CHCHD6: variants seen among roughly 807,000 people sequenced by gnomAD.
The protein encoded by CHCHD6 is coiled-coil-helix-coiled-coil-helix domain containing 6.
CHCHD6 carries 28 observed loss-of-function variants against 32.3 expected under a neutral mutation model. The ratio of observed to expected loss-of-function variants is 0.87; its 90% CI spans 0.64 to 1.19. The LOEUF is 1.19. Ranked by LOEUF, CHCHD6 falls within the 50% of genes most tolerant of loss-of-function variation. CHCHD6 has a pLI of 0.00. For missense variants in CHCHD6, 333 were observed against 307.0 expected, an observed-to-expected ratio of 1.08 and a Z score of -0.63; for synonymous variants, 122 against 117.5, an observed-to-expected ratio of 1.04 and a Z score of -0.25.
intron 1 of CHCHD6, among the ~76,000 whole-genome samples, chr3:126,708,650 GAAA>G (rs552128932): frequency 3.3e-5 from 3 of 90,970 alleles, no homozygotes; most frequent in African/African-American, 3.7e-5. Context: ...CCCATCTCTT[GAAA>G]AAAAAAAAAA....
At chr3:126,797,224 T>C (rs1184897299) in intron 4 of CHCHD6, among the ~76,000 whole-genome samples, 2 of 152,204 alleles carry the variant, frequency 1.3e-5, no homozygotes, top group Non-Finnish European at 2.9e-5. Flanking sequence ...GCATTCTGTG[T>C]GTTGCTTTGC....
At chr3:126,939,797 CATTT>C (rs1349985402) in intron 6 of CHCHD6, among the ~76,000 whole-genome samples, 1 of 152,208 alleles carries the variant, frequency 6.6e-6, no homozygotes, top group Non-Finnish European at 1.5e-5. Context: ...ATAAGGGCAT[CATTT>C]ATTCTCCCCT....
chr3:126,796,610 C>T (rs1000370889), intron 4 of CHCHD6, among the ~76,000 whole-genome samples: 1 of 152,178 alleles, frequency 6.6e-6, no homozygotes, highest in African/African-American at 2.4e-5. Flanking sequence ...CAAGGCTGTA[C>T]ACCTGGCCCA....
chr3:126,892,781 C>T (rs371433480), intron 5 of CHCHD6, among the ~76,000 whole-genome samples: 1 of 152,166 alleles, frequency 6.6e-6, no homozygotes, highest in South Asian at 2.1e-4. Flanking sequence ...GCAGCTCCTC[C>T]GCTGTAACAC....
At chr3:126,887,034 G>A (rs1485395239) in intron 5 of CHCHD6, among the ~76,000 whole-genome samples, 1 of 152,190 alleles carries the variant, frequency 6.6e-6, no homozygotes, top group Non-Finnish European at 1.5e-5. Flanking sequence ...GCTTCTGATA[G>A]CAAAGTTTGA....
At chr3:126,713,757 TA>T (rs1308491602) in intron 1 of CHCHD6, among the ~76,000 whole-genome samples, 2 of 152,274 alleles carry the variant, frequency 1.3e-5, no homozygotes, top group East Asian at 3.9e-4. Context: ...ACTTGTTGGA[TA>T]AAAGTTTAAG....
chr3:126,957,055 C>T (rs953849488), intron 6 of CHCHD6: 4 of 312,442 alleles, frequency 1.3e-5, no homozygotes, highest in South Asian at 4.3e-5. Context: ...CACAGCGGGG[C>T]GGGTTGTCCT....
intron 5 of CHCHD6, among the ~76,000 whole-genome samples, chr3:126,859,631 G>A (rs917106827): frequency 2.0e-5 from 3 of 152,244 alleles, no homozygotes; most frequent in East Asian, 1.9e-4. Flanking sequence ...ACCCTGTAAG[G>A]TAGATTATAT....
At chr3:126,864,794 C>T (rs1453417398) in intron 5 of CHCHD6, among the ~76,000 whole-genome samples, 17 of 148,728 alleles carry the variant, frequency 1.1e-4, no homozygotes, top group African/African-American at 3.5e-4. Context: ...ATCACCTCCT[C>T]CTCCACCGTC....
chr3:126,865,671 A>G (rs1942266705), intron 5 of CHCHD6: 1 of 984,628 alleles, frequency 1.0e-6, no homozygotes, highest in Non-Finnish European at 1.2e-6. Context: ...CACCTCCCTC[A>G]CTGCCCCCAC....
At chr3:126,849,285 C>A (rs976207833) in intron 4 of CHCHD6, among the ~76,000 whole-genome samples, 2 of 152,256 alleles carry the variant, frequency 1.3e-5, no homozygotes, top group Admixed American at 6.5e-5. Context: ...ACTGCCTCTG[C>A]CTGCTCCAGA....
intron 1 of CHCHD6, among the ~76,000 whole-genome samples, chr3:126,715,793 A>G (rs1166446237): frequency 1.3e-5 from 2 of 152,180 alleles, no homozygotes; most frequent in Admixed American, 1.3e-4. Flanking sequence ...TTTAAATGCC[A>G]GCTGGTCACA....
chr3:126,735,837 C>T (rs915954802), intron 4 of CHCHD6, among the ~76,000 whole-genome samples: 17 of 152,176 alleles, frequency 1.1e-4, no homozygotes, highest in African/African-American at 4.1e-4. Flanking sequence ...CTTTCCTTTG[C>T]TTAAGTAAGC....
chr3:126,793,408 C>G (rs1234429159), intron 4 of CHCHD6, among the ~76,000 whole-genome samples: 1 of 152,046 alleles, frequency 6.6e-6, no homozygotes, highest in Non-Finnish European at 1.5e-5. Context: ...AGTGGTTACT[C>G]TATGGATCAT....
intron 4 of CHCHD6, among the ~76,000 whole-genome samples, chr3:126,837,443 A>G (rs1007132259): frequency 3.9e-5 from 6 of 152,160 alleles, no homozygotes; most frequent in African/African-American, 1.4e-4. Flanking sequence ...TTGTAGTCCA[A>G]GCTACTCGGG....
rs140136835 is a variant in CHCHD6, at chr3:126,807,412, T to G, written c.412-45235T>G. Among the ~76,000 whole-genome samples, 916 of 151,894 alleles carry G rather than the reference T, an allele frequency of 6.0e-3. 8 individuals carry two copies. Among genetic ancestry groups the G allele is most frequent in the African/African-American group, 0.021 (876 of 41,452 alleles). ...CACTTAGAAAAAACCCATTAGAAAT[T>G]AAAAATATGGTATCAGAAATGGATA... On this transcript the variant is annotated intron_variant, in intron 4 of 7. Transcript: ENST00000290913.
rs576112300 is a variant in CHCHD6, at chr3:126,960,334, C to T, written c.*133C>T. ...TATGCCCCTGAGCCTGGGGCTGCCA[C>T]GTGTTTAGGAAACAAAGTATGCGCT... is the stretch of plus-strand genomic sequence containing the variant. On this transcript the variant is annotated 3_prime_UTR_variant, in exon 8 of 8. Coordinates refer to ENST00000290913, the MANE Select transcript of CHCHD6 (RefSeq NM_032343.3). 22 of 1,039,874 alleles carry T rather than the reference C, an allele frequency of 2.1e-5. No homozygotes were observed. The highest frequency in any genetic ancestry group is 1.9e-4 in the Admixed American group (9 of 48,106). 64.4% of individuals were successfully genotyped at this position (1,039,874 alleles called of 1,614,324 possible). A position where few individuals can be genotyped will look rare whatever the true frequency, so the allele number is the denominator to read the frequency against.
chr3:126,889,672 C>T (rs1170450110), intron 5 of CHCHD6, among the ~76,000 whole-genome samples: 1 of 152,246 alleles, frequency 6.6e-6, no homozygotes, highest in Non-Finnish European at 1.5e-5. Context: ...ATCCTTGCTG[C>T]AGGGTATTCT....
chr3:126,950,625 A>G (rs534552612), intron 6 of CHCHD6, among the ~76,000 whole-genome samples: 2 of 152,194 alleles, frequency 1.3e-5, no homozygotes, highest in South Asian at 4.2e-4. Context: ...TAATTTGTGT[A>G]TTTTTAGTAG....
Sources: gnomAD v4.1 joint callset for allele counts (sites outside exome capture counted in the v4.1 genomes callset) on GRCh38, gnomAD v4.1.1 for gene constraint, MANE v1.5 for transcripts, NCBI Gene and HGNC (gene_info 2026-07-23, HGNC 2026-07-21) for gene names.